The following SLC5A7 variants were observed in gnomAD, a reference collection of about 807,000 sequenced individuals.
SLC5A7 encodes the protein solute carrier family 5 member 7.
A neutral mutation model predicts 55.4 loss-of-function variants in SLC5A7; 19 were observed. The observed-to-expected ratio is 0.34, with a 90% CI of 0.24 to 0.50. The LOEUF (loss-of-function observed/expected upper bound fraction) is 0.50, where lower values mean the gene tolerates loss of function less well. SLC5A7 is among the 20% of genes least tolerant of loss of function. The pLI is 0.98. For synonymous variants in SLC5A7, 265 were observed against 263.7 expected, an observed-to-expected ratio of 1.00 and a Z score of -0.05; for missense variants, 506 against 705.3, an observed-to-expected ratio of 0.72 and a Z score of 3.20.
intron 7 of SLC5A7, among the ~76,000 whole-genome samples, 195 bp downstream of exon 7, chr2:108,006,397 T>TTTTTG (rs1678125784): frequency 6.6e-6 from 1 of 151,332 alleles, no homozygotes; most frequent in Non-Finnish European, 1.5e-5. Flanking sequence ...TTTTTTTTTT[T>TTTTTG]TTAGTAGAGA....
chr2:108,007,469 C>T (rs545548589), intron 7 of SLC5A7, among the ~76,000 whole-genome samples: 12 of 79,902 alleles, frequency 1.5e-4, no homozygotes, highest in East Asian at 4.6e-4. Flanking sequence ...CATATATGGA[C>T]GTGTGTGTGT....
chr2:107,990,091 T>C (rs1677393529), intron 2 of SLC5A7, among the ~76,000 whole-genome samples: 1 of 152,222 alleles, frequency 6.6e-6, no homozygotes, highest in Non-Finnish European at 1.5e-5. Context: ...ATATATTTTA[T>C]AAAGAATAGA....
chr2:107,988,233 C>T lies in SLC5A7; in HGVS notation c.78C>T (p.Ala26=). The change falls in exon 2 of 9, where the codon GCC becomes GCT. Residue 26 remains alanine (A), a synonymous_variant. Transcript: ENST00000264047. The part of the protein sequence containing the change: ...LLILLVGIWA[A]WRTKNSGSAE... ...TTTTGCTGGTTGGAATATGGGCTGC[C>T]TGGAGAACCAAAAACAGTGGCAGCG... 2 of 1,614,124 alleles carry T rather than the reference C, an allele frequency of 1.2e-6. No homozygotes were observed. Among genetic ancestry groups the T allele is most frequent in the Non-Finnish European group, 1.7e-6 (2 of 1,179,978 alleles).
At chr2:107,990,938 T>C (rs333234) in intron 2 of SLC5A7, among the ~76,000 whole-genome samples, 39,125 of 152,106 alleles carry the variant, frequency 0.26, 5,245 homozygotes, top group Middle Eastern at 0.38. Flanking sequence ...ATCTGATAAA[T>C]TTTTATTACC....
chr2:107,998,130 T>A (rs1677747026), intron 5 of SLC5A7, 144 bp downstream of exon 5: 1 of 825,970 alleles, frequency 1.2e-6, no homozygotes, highest in African/African-American at 1.8e-5. Context: ...TTCAAATTTC[T>A]CCATAAATTA....
chr2:108,007,482 G>GTGTGTGTGTGTGTGTGTGTC (rs1398661617), intron 7 of SLC5A7, among the ~76,000 whole-genome samples: 2 of 2,204 alleles, frequency 9.1e-4, no homozygotes, highest in African/African-American at 0.014. Context: ...GTGTGTGTCT[G>GTGTGTGTGTGTGTGTGTGTC]TGTGTGTGTG....
chr2:108,006,212 T>G lies in SLC5A7; in HGVS notation c.895+10T>G. The G allele has an allele frequency of 6.2e-7, 1 of 1,613,610 alleles. No individual in the cohort carries two copies. The highest frequency in any genetic ancestry group is 1.3e-5 in the African/African-American group (1 of 74,994). On this transcript the variant is annotated intron_variant, in intron 7 of 8. Coordinates refer to ENST00000264047, the MANE Select transcript of SLC5A7 (RefSeq NM_021815.5). ...ATTGGAGCATCAACAGGTAAATCTC[T>G]TGCAGCTTCACCACATGTGCCAGTT...
rs1256848365 is a variant in SLC5A7 at position 108,011,597 on chromosome 2, A to T, written c.*736A>T. ...AACAGTACCTGAAGGATTATTAAGC[A>T]ACCTTAAAGCAATAAGTTCATTAAA... On this transcript the variant is annotated 3_prime_UTR_variant, in exon 9 of 9. Coordinates refer to ENST00000264047, the MANE Select transcript of SLC5A7 (RefSeq NM_021815.5). 2.0e-5 allele frequency: 3 copies of T among 152,330 alleles called. No homozygotes were observed. The highest frequency in any genetic ancestry group is 7.2e-5 in the African/African-American group (3 of 41,588). The allele number at this position is 152,330 out of a possible 1,614,324, so 9.4% of individuals were successfully genotyped here.
Position 108,010,453 on chromosome 2 carries a change from G to A in SLC5A7, c.1335G>A (p.Leu445=). ...AVAGYVSGLF[L]RITGGEPYLY... is the part of the protein sequence containing the mutation. Reference sequence around the variant, plus strand: ...CAGGTTATGTTTCTGGCCTCTTCCTGAGAATAACTGGAGGGGAGCCATATC... The same window carrying A: ...CAGGTTATGTTTCTGGCCTCTTCCTAAGAATAACTGGAGGGGAGCCATATC... The change falls in exon 9 of 9, where the codon CTG becomes CTA. Residue 445 remains leucine (L), a synonymous_variant. Coordinates refer to ENST00000264047, the MANE Select transcript of SLC5A7 (RefSeq NM_021815.5). 6.2e-7 allele frequency: 1 copy of A among 1,613,886 alleles called. No individual in the cohort carries two copies. Among genetic ancestry groups the A allele is most frequent in the Non-Finnish European group, 8.5e-7 (1 of 1,179,918 alleles).
At chr2:107,991,888 T>C (rs541397081) in intron 2 of SLC5A7, among the ~76,000 whole-genome samples, 6 of 152,366 alleles carry the variant, frequency 3.9e-5, no homozygotes, top group African/African-American at 9.6e-5. Context: ...GTATAACTTA[T>C]GTAACTCAAT....
chr2:107,987,877 G>GT (rs893529791), intron 1 of SLC5A7, among the ~76,000 whole-genome samples: 368 of 150,120 alleles, frequency 2.5e-3, no homozygotes, highest in African/African-American at 7.8e-3. Flanking sequence ...CTACATTTCC[G>GT]TTTTTTTTTC....
chr2:108,005,435 G>A (rs1678071095), intron 6 of SLC5A7, among the ~76,000 whole-genome samples: 1 of 152,144 alleles, frequency 6.6e-6, no homozygotes, highest in Non-Finnish European at 1.5e-5. Flanking sequence ...ACAAATTGAA[G>A]GCCTCTGGGG....
intron 5 of SLC5A7, among the ~76,000 whole-genome samples, 157 bp downstream of exon 5, chr2:107,998,143 TA>T (rs1372349950): frequency 6.6e-6 from 1 of 152,182 alleles, no homozygotes; most frequent in Non-Finnish European, 1.5e-5. Context: ...ATAAATTAAT[TA>T]GATGAAAAAC....
At chr2:107,999,526 A>T (rs192206890) in intron 5 of SLC5A7, among the ~76,000 whole-genome samples, 1 of 152,334 alleles carries the variant, frequency 6.6e-6, no homozygotes, top group East Asian at 1.9e-4. Context: ...CCTGCCACAA[A>T]ATGTAGCCAA....
rs1228105512 is a variant in SLC5A7, at chr2:108,010,541, C to A, written c.1423C>A (p.Gln475Lys). Residue 475 changes from glutamine to lysine, a missense_variant, in exon 9 of 9, where the codon CAG becomes AAG. Coordinates refer to ENST00000264047, the MANE Select transcript of SLC5A7 (RefSeq NM_021815.5). ...CCCTGATGATAATGGTATATATAAT[C>A]AGAAATTTCCATTTAAAACACTTGC... is the stretch of plus-strand genomic sequence containing the variant. ...YYPDDNGIYNQKFPFKTLAMV... is the reference protein window; with the variant it reads ...YYPDDNGIYNKKFPFKTLAMV... The A allele has an allele frequency of 6.2e-7, 1 of 1,613,672 alleles. No homozygotes were observed. The highest frequency in any genetic ancestry group is 8.5e-7 in the Non-Finnish European group (1 of 1,179,834).
Position 108,010,682 on chromosome 2 carries a change from A to G in SLC5A7, c.1564A>G (p.Ser522Gly). 6.2e-7 allele frequency: 1 copy of G among 1,613,916 alleles called. No homozygotes were observed. Among genetic ancestry groups the G allele is most frequent in the Non-Finnish European group, 8.5e-7 (1 of 1,179,922 alleles). ...ATTTGATGCTGTTGTTGCAAGACAC[A>G]GTGAAGAAAACATGGATAAGACAAT... ...DVFDAVVARHSEENMDKTILV... is the reference protein window; with the variant it reads ...DVFDAVVARHGEENMDKTILV... The change falls in exon 9 of 9, where the codon AGT (serine) becomes GGT (glycine). Residue 522 changes from serine to glycine, a missense_variant. Coordinates refer to ENST00000264047, the MANE Select transcript of SLC5A7 (RefSeq NM_021815.5).
chr2:108,001,690 G>GA (rs549485494), intron 5 of SLC5A7, among the ~76,000 whole-genome samples: 17 of 136,616 alleles, frequency 1.2e-4, no homozygotes, highest in South Asian at 2.2e-4. Flanking sequence ...AAAAAAAAAA[G>GA]AAAAGAAATA....
Position 107,997,891 on chromosome 2 carries a change from T to C in SLC5A7, c.502T>C (p.Ser168Pro). 4 of 1,613,970 alleles carry C rather than the reference T, an allele frequency of 2.5e-6. No individual in the cohort carries two copies. Among genetic ancestry groups the C allele is most frequent in the Non-Finnish European group, 3.4e-6 (4 of 1,179,896 alleles). ...GGATATGCACATTTCTGTCATCATC[T>C]CTGCACTCATTGCCACTCTGTACAC... ...DVDMHISVII[S>P]ALIATLYTLV... Residue 168 changes from serine (S) to proline (P), a missense_variant, in exon 5 of 9, where the codon TCT (serine) becomes CCT (proline). Ser to Pro is a moderately conservative substitution (Grantham distance 74, BLOSUM62 -1). Coordinates refer to ENST00000264047, the MANE Select transcript of SLC5A7 (RefSeq NM_021815.5).
chr2:108,006,022 C>T (rs1208117382), intron 6 of SLC5A7, 27 bp from the exon 7 acceptor site: 1 of 1,611,974 alleles, frequency 6.2e-7, no homozygotes, highest in East Asian at 2.2e-5. Context: ...AGATGTTTGC[C>T]TCTCCATCCT....
Sources: allele counts gnomAD v4.1 joint callset (sites outside exome capture counted in the v4.1 genomes callset), GRCh38; gene constraint gnomAD v4.1.1; transcripts MANE v1.5; gene names NCBI Gene and HGNC (gene_info 2026-07-23, HGNC 2026-07-21).